The following IGSF10 variants were observed in gnomAD, a reference collection of about 807,000 sequenced individuals.
IGSF10 encodes calvaria mechanical force protein 608.
A neutral mutation model predicts 128.2 loss-of-function variants in IGSF10; 126 were observed. The ratio of observed to expected loss-of-function variants is 0.98; its 90% confidence interval spans 0.85 to 1.14. The LOEUF (loss-of-function observed/expected upper bound fraction) is 1.14, where lower values mean the gene tolerates loss of function less well. IGSF10 is among the 50% of genes most tolerant of loss of function. The pLI is 0.00. For synonymous variants in IGSF10, 1,185 were observed against 1,146.2 expected (o/e 1.03, Z -0.68); for missense variants, 3,295 against 3,149.8 (o/e 1.05, Z -1.10).
At chr3:151,491,049 G>C in the IGSF10 span, among the ~76,000 whole-genome samples, 1 of 151,980 alleles carries the variant, frequency 6.6e-6, no homozygotes, top group African/African-American at 2.4e-5. Context: ...GCCATGGAAA[G>C]AATCAATAAA....
At chr3:151,551,987 C>G in the IGSF10 span, among the ~76,000 whole-genome samples, 7 of 152,142 alleles carry the variant, frequency 4.6e-5, no homozygotes, top group African/African-American at 1.7e-4. Context: ...TGGTTTGGCT[C>G]TATGTCCCCA....
the IGSF10 span, among the ~76,000 whole-genome samples, chr3:151,467,711 C>T: frequency 6.6e-6 from 1 of 151,680 alleles, no homozygotes; most frequent in Non-Finnish European, 1.5e-5. Flanking sequence ...AGTGAAACCC[C>T]GTCTCTACTA....
the IGSF10 span, among the ~76,000 whole-genome samples, chr3:151,559,749 C>A: frequency 6.6e-6 from 1 of 152,060 alleles, no homozygotes; most frequent in African/African-American, 2.4e-5. Context: ...CTCGCCTATC[C>A]TGAATTATTT....
chr3:151,553,630 CTT>C, the IGSF10 span, among the ~76,000 whole-genome samples: 22,710 of 149,304 alleles, frequency 0.15, 1,821 homozygotes, highest in Middle Eastern at 0.21. Context: ...GTCTCTCTCT[CTT>C]TCTATATATA....
downstream of IGSF10, chr3:151,432,756 C>G (rs148689221): frequency 2.5e-5 from 41 of 1,612,778 alleles, no homozygotes; most frequent in African/African-American, 5.3e-4. Flanking sequence ...CCTTAGGCAA[C>G]CAGCCACAGC....
chr3:151,593,350 G>A, the IGSF10 span, among the ~76,000 whole-genome samples: 6 of 152,078 alleles, frequency 3.9e-5, no homozygotes, highest in African/African-American at 7.2e-5. Flanking sequence ...GAGCGCAAGC[G>A]ATCATCCTGC....
At chr3:151,619,551 T>C in the IGSF10 span, among the ~76,000 whole-genome samples, 1 of 152,180 alleles carries the variant, frequency 6.6e-6, no homozygotes, top group East Asian at 1.9e-4. Flanking sequence ...AATTTATATT[T>C]GTTTGTATTT....
chr3:151,444,826 G>T, intron 6 of IGSF10, 93 bp downstream of exon 6: 3 of 1,213,482 alleles, frequency 2.5e-6, no homozygotes, highest in Non-Finnish European at 2.3e-6. Context: ...ATTTGAAACT[G>T]ATACTGATTC....
the IGSF10 span, among the ~76,000 whole-genome samples, chr3:151,550,551 T>A: frequency 6.6e-6 from 1 of 152,198 alleles, no homozygotes; most frequent in African/African-American, 2.4e-5. Context: ...AATGGCTATT[T>A]AAAATGTTTC....
At chr3:151,459,657 G>T (rs1343345614) in intron 2 of IGSF10, among the ~76,000 whole-genome samples, 1 of 151,902 alleles carries the variant, frequency 6.6e-6, no homozygotes, top group African/African-American at 2.4e-5. Context: ...GAAGAAATAT[G>T]CTCAGCTTGT....
the IGSF10 span, among the ~76,000 whole-genome samples, chr3:151,534,446 C>T: frequency 5.9e-5 from 9 of 152,124 alleles, no homozygotes; most frequent in African/African-American, 2.2e-4. Context: ...AAATGTAGCA[C>T]ATATACACCA....
At chr3:151,530,566 T>C in the IGSF10 span, among the ~76,000 whole-genome samples, 2 of 152,204 alleles carry the variant, frequency 1.3e-5, no homozygotes, top group Non-Finnish European at 2.9e-5. Context: ...ATATTCAACG[T>C]TCTTAAAGAA....
At chr3:151,460,828 G>C in intron 1 of IGSF10, 118 bp downstream of exon 1, 9 of 517,728 alleles carry the variant, frequency 1.7e-5, no homozygotes, top group Non-Finnish European at 2.2e-5. Flanking sequence ...CCCACCCTCA[G>C]CCCTCCCCGC....
the IGSF10 span, among the ~76,000 whole-genome samples, chr3:151,528,185 A>G: frequency 6.6e-6 from 1 of 152,316 alleles, no homozygotes; most frequent in Middle Eastern, 3.4e-3. Context: ...TATTATTATT[A>G]GCAGTGAACT....
the IGSF10 span, among the ~76,000 whole-genome samples, chr3:151,527,359 A>T: frequency 6.6e-6 from 1 of 152,134 alleles, no homozygotes; most frequent in Non-Finnish European, 1.5e-5. Context: ...GGGGTCATCT[A>T]TTCCTAATGA....
the IGSF10 span, among the ~76,000 whole-genome samples, chr3:151,486,003 G>A: frequency 6.6e-6 from 1 of 152,094 alleles, no homozygotes; most frequent in Non-Finnish European, 1.5e-5. Context: ...GACACAGACT[G>A]GCAAATTGGA....
the IGSF10 span, among the ~76,000 whole-genome samples, chr3:151,590,294 C>A: frequency 5.6e-3 from 849 of 152,208 alleles, 11 homozygotes; most frequent in African/African-American, 0.019. Context: ...TCTGCCTTAG[C>A]CTTCCAAAGT....
upstream of IGSF10, among the ~76,000 whole-genome samples, chr3:151,465,392 T>C (rs370022531): frequency 1.3e-3 from 196 of 152,324 alleles, 1 homozygote; most frequent in African/African-American, 4.4e-3. Context: ...CTGCTGACTT[T>C]AGTTTTGTAC....
At chr3:151,506,942 T>C in the IGSF10 span, among the ~76,000 whole-genome samples, 1 of 152,260 alleles carries the variant, frequency 6.6e-6, no homozygotes, top group East Asian at 1.9e-4. Context: ...AAAGCTATTA[T>C]AGTTTTTAAA....
Sources: allele counts gnomAD v4.1 joint callset (sites outside exome capture counted in the v4.1 genomes callset), GRCh38; gene constraint gnomAD v4.1.1; transcripts MANE v1.5; gene names NCBI Gene and HGNC (gene_info 2026-07-23, HGNC 2026-07-21).